TRNT1: variants seen among roughly 807,000 people sequenced by gnomAD.
TRNT1 encodes the protein CCA tRNA nucleotidyltransferase 1, mitochondrial.
A neutral mutation model predicts 45.6 loss-of-function variants in TRNT1; 44 were observed. The ratio of observed to expected loss-of-function variants is 0.97; its 90% confidence interval spans 0.76 to 1.24. The LOEUF (loss-of-function observed/expected upper bound fraction) is 1.24, where lower values mean the gene tolerates loss of function less well. Among genes scored for constraint, TRNT1 ranks in the 50% most tolerant of loss-of-function variants. The pLI is 0.00. For synonymous variants in TRNT1, 201 were observed against 171.4 expected (o/e 1.17, Z -1.35); for missense variants, 633 against 504.4 (o/e 1.25, Z -2.44).
chr3:3,141,126 G>T (rs946592773), intron 4 of TRNT1, among the ~76,000 whole-genome samples: 1 of 152,124 alleles, frequency 6.6e-6, no homozygotes, highest in African/African-American at 2.4e-5. Flanking sequence ...TTCTGACTCC[G>T]TCACTCACTA....
At chr3:3,153,377 A>G (rs759405801), downstream of TRNT1, 1 of 1,059,590 alleles carries the variant, frequency 9.4e-7, no homozygotes, top group Non-Finnish European at 1.5e-6. Flanking sequence ...AGTCTTCATT[A>G]TAATTCTGAT....
chr3:3,153,145 C>G (rs1168121037), downstream of TRNT1: 4 of 400,258 alleles, frequency 1.0e-5, no homozygotes, highest in Non-Finnish European at 1.9e-5. Flanking sequence ...TGAAGACAGT[C>G]TAATATATAG....
chr3:3,151,041 C>CATACCTAAGAA, downstream of TRNT1: 1 of 1,613,740 alleles, frequency 6.2e-7, no homozygotes, highest in Non-Finnish European at 8.5e-7. Context: ...ACAGTCCAGG[C>CATACCTAAGAA]ATACCTAAGA....
chr3:3,153,000 T>C (rs913318013), downstream of TRNT1: 6 of 293,486 alleles, frequency 2.0e-5, no homozygotes, highest in East Asian at 2.6e-4. Flanking sequence ...ACTGATGGAT[T>C]TGTCATAAAA....
At chr3:3,133,568 ATG>A (rs1559217193) in intron 2 of TRNT1, among the ~76,000 whole-genome samples, 18 of 151,940 alleles carry the variant, frequency 1.2e-4, no homozygotes, top group African/African-American at 4.3e-4. Flanking sequence ...AAAAAAAAAA[ATG>A]AGAGACTATT....
intron 2 of TRNT1, among the ~76,000 whole-genome samples, chr3:3,130,911 ATC>A (rs1704979194): frequency 6.6e-6 from 1 of 151,804 alleles, no homozygotes; most frequent in Non-Finnish European, 1.5e-5. Context: ...GTGAAACCCC[ATC>A]TCTACTAAAA....
At chr3:3,150,972 C>A (rs770018396), downstream of TRNT1, 1 of 1,614,024 alleles carries the variant, frequency 6.2e-7, no homozygotes, top group Non-Finnish European at 8.5e-7. Context: ...GGTGACATGT[C>A]TTTTTTGGTG....
At chr3:3,152,016 T>C (rs193217401), downstream of TRNT1, among the ~76,000 whole-genome samples, 7 of 152,352 alleles carry the variant, frequency 4.6e-5, no homozygotes, top group East Asian at 3.9e-4. Flanking sequence ...AAAACAATTT[T>C]GGATTTAACT....
downstream of TRNT1, chr3:3,152,812 CA>C: frequency 1.7e-6 from 1 of 573,046 alleles, no homozygotes; most frequent in Non-Finnish European, 3.1e-6. Context: ...TGTGATGACC[CA>C]AAGGAAATAG....
At position 3,129,816 on chromosome 3, in the gene TRNT1, T is replaced by C. The variant is rs141469083; in HGVS notation, c.148+628T>C. 2,471 of 1,502,740 alleles carry C rather than the reference T, an allele frequency of 1.6e-3. 48 individuals carry two copies. The South Asian group carries it at 0.024, about 14-fold the overall frequency. 93.1% of individuals were successfully genotyped at this position (1,502,740 alleles called of 1,614,324 possible). Reference sequence around the variant, plus strand: ...AGATTGTTAGGCATGTGAAGTGCTTTGCCTGTGTTTCTGTAACTACTAACT... The same window carrying C: ...AGATTGTTAGGCATGTGAAGTGCTTCGCCTGTGTTTCTGTAACTACTAACT... On this transcript the variant is annotated intron_variant, in intron 2 of 7. Coordinates refer to ENST00000251607, the MANE Select transcript of TRNT1 (RefSeq NM_182916.3).
At chr3:3,130,392 C>G (rs1003967495) in intron 2 of TRNT1, 1 of 163,314 alleles carries the variant, frequency 6.1e-6, no homozygotes, top group African/African-American at 2.4e-5. Context: ...AGCTTATTCT[C>G]AAAGCTACTT....
chr3:3,129,909 T>G, intron 2 of TRNT1: 1 of 1,550,664 alleles, frequency 6.4e-7, no homozygotes, highest in East Asian at 2.4e-5. Context: ...AAGCTCTGTT[T>G]CCTTCCTAGG....
chr3:3,137,964 G>A (rs1347334186), intron 3 of TRNT1, among the ~76,000 whole-genome samples: 1 of 152,138 alleles, frequency 6.6e-6, no homozygotes. Context: ...TTTTACATAA[G>A]CTTTCCATAT....
At chr3:3,144,503 A>T in intron 4 of TRNT1, 81 bp from the exon 5 acceptor site, 1 of 1,341,760 alleles carries the variant, frequency 7.5e-7, no homozygotes, top group Non-Finnish European at 1.0e-6. Context: ...ACTGTTTGTG[A>T]TAGTGTTTAG....
intron 5 of TRNT1, chr3:3,145,755 A>G (rs1705968873): frequency 6.6e-6 from 1 of 152,150 alleles, no homozygotes. Flanking sequence ...AGTCTGTCTT[A>G]TAAATAATAG....
intron 2 of TRNT1, among the ~76,000 whole-genome samples, chr3:3,132,440 C>A (rs1705054032): frequency 2.9e-5 from 1 of 34,944 alleles, no homozygotes; most frequent in Non-Finnish European, 6.2e-5. Context: ...GAACAAAAAA[C>A]CAAACACCGC....
At position 3,135,875 on chromosome 3, in the gene TRNT1, G is replaced by T. The variant is rs550937428; in HGVS notation, c.149-1385G>T. ...CATGCTGAGTGAGGAGTAGCATGCT[G>T]ACACTGGAGAACCTGGAGGTATACT... On this transcript the variant is annotated intron_variant, in intron 2 of 7. Transcript: ENST00000251607. Among the ~76,000 whole-genome samples, 22 of 152,342 alleles carry T rather than the reference G, an allele frequency of 1.4e-4. 2 individuals are homozygous for T. Among genetic ancestry groups the T allele is most frequent in the African/African-American group, 5.1e-4 (21 of 41,570 alleles).
Position 3,148,081 on chromosome 3 carries a change from T to G in TRNT1, c.1232T>G (p.Leu411Trp). 6.2e-7 allele frequency: 1 copy of G among 1,613,890 alleles called. No homozygotes were observed. The highest frequency in any genetic ancestry group is 8.5e-7 in the Non-Finnish European group (1 of 1,179,830). Residue 411 changes from leucine (L) to tryptophan (W), a missense_variant, in exon 8 of 8, where the codon TTG (leucine) becomes TGG (tryptophan). By Grantham distance (61) the Leu-to-Trp change is moderately conservative. Transcript: ENST00000251607. Reference sequence around the variant, plus strand: ...GAAATTGGGGCTCTATTACAACAGTTGCGAGAACAGTGGAAAAAAAGTGGT... The same window carrying G: ...GAAATTGGGGCTCTATTACAACAGTGGCGAGAACAGTGGAAAAAAAGTGGT... ...GKEIGALLQQ[L>W]REQWKKSGYQ...
In TRNT1 at chr3:3,142,658, T is replaced by C. The variant is rs1305801708; in HGVS notation, c.482-1926T>C. 3.3e-5 allele frequency among the ~76,000 whole-genome samples: 5 copies of C among 152,246 alleles called. No homozygotes were observed. In the East Asian group the frequency reaches 9.6e-4, roughly 29 times the overall value. On this transcript the variant is annotated intron_variant, in intron 4 of 7. Transcript: ENST00000251607. ...CAAGCATTCATAGTTCTGGCATTTA[T>C]GGTTGGTTACTTTGCTTCCCAAACG...
Sources: allele counts gnomAD v4.1 joint callset (sites outside exome capture counted in the v4.1 genomes callset), GRCh38; gene constraint gnomAD v4.1.1; transcripts MANE v1.5; gene names NCBI Gene and HGNC (gene_info 2026-07-23, HGNC 2026-07-21).